The following ADGRE5 variants were observed in gnomAD, a reference collection of about 807,000 sequenced individuals.
ADGRE5 encodes adhesion G protein-coupled receptor E5.
In ADGRE5, 72 loss-of-function variants were observed where a neutral mutation model predicts 100.3. The observed-to-expected ratio is 0.72, with a 90% CI of 0.59 to 0.87. ADGRE5 has a LOEUF of 0.87. ADGRE5 is among the 40% of genes least tolerant of loss of function. The probability of loss-of-function intolerance (pLI) is 0.00; values close to 1 mark genes in which losing one functional copy is unlikely to be tolerated. For synonymous variants in ADGRE5, 439 were observed against 447.8 expected, an observed-to-expected ratio of 0.98 and a Z score of 0.25; for missense variants, 959 against 1,094.7, an observed-to-expected ratio of 0.88 and a Z score of 1.75.
intron 1 of ADGRE5, among the ~76,000 whole-genome samples, chr19:14,385,769 A>ATT (rs756579925): frequency 6.8e-5 from 9 of 131,874 alleles, no homozygotes; most frequent in Non-Finnish European, 1.2e-4. Context: ...CAACACCGTC[A>ATT]TTTTTTTTTT....
intron 6 of ADGRE5, 93 bp from the exon 7 acceptor site, chr19:14,397,565 C>G: frequency 6.2e-7 from 1 of 1,606,064 alleles, no homozygotes; most frequent in Admixed American, 1.7e-5. Flanking sequence ...AAGGGGGGCA[C>G]TAATGCCGGG....
chr19:14,387,584 C>T (rs1352484710), intron 1 of ADGRE5, among the ~76,000 whole-genome samples: 1 of 151,582 alleles, frequency 6.6e-6, no homozygotes, highest in Non-Finnish European at 1.5e-5. Context: ...AAAAATTAGC[C>T]GGGTGTGGTG....
Position 14,402,821 on chromosome 19 carries a change from G to C in ADGRE5, c.1408G>C (p.Glu470Gln), listed in dbSNP as rs753418489. 2.5e-6 allele frequency: 4 copies of C among 1,613,812 alleles called. No individual in the cohort carries two copies. In the East Asian group the frequency reaches 8.9e-5, roughly 36 times the overall value. The change falls in exon 12 of 20, where the codon GAG becomes CAG. Residue 470 changes from glutamate (E) to glutamine (Q), a missense_variant. Coordinates refer to ENST00000242786, the MANE Select transcript of ADGRE5 (RefSeq NM_078481.4). Reference sequence around the variant, plus strand: ...CATCCTTTTCGCCTTCTCCCACCTTGAGTCCTCCGATGGGGAGGCGGGAAG... The same window carrying C: ...CATCCTTTTCGCCTTCTCCCACCTTCAGTCCTCCGATGGGGAGGCGGGAAG... The part of the protein sequence containing the change: ...SPILFAFSHL[E>Q]SSDGEAGRDP...
intron 13 of ADGRE5, 71 bp downstream of exon 13, chr19:14,404,633 T>C: frequency 6.9e-7 from 1 of 1,444,796 alleles, no homozygotes; most frequent in Non-Finnish European, 9.5e-7. Context: ...AGGCAGCTAG[T>C]TCTCCATGGA....
At chr19:14,391,823 C>T (rs145974030) in intron 4 of ADGRE5, among the ~76,000 whole-genome samples, 2 of 151,974 alleles carry the variant, frequency 1.3e-5, no homozygotes, top group Non-Finnish European at 2.9e-5. Flanking sequence ...ACTGGCCGGG[C>T]GCAGTGGCTC....
chr19:14,404,513 G>A lies in ADGRE5; in HGVS notation c.1580G>A (p.Cys527Tyr), dbSNP rs1976141565. The A allele has an allele frequency of 6.2e-7, 1 of 1,612,880 alleles. No homozygotes were observed. Among genetic ancestry groups the A allele is most frequent in the African/African-American group, 1.3e-5 (1 of 74,848 alleles). ...AAGAACGGCAGCACCACCTGCCAAT[G>A]CAGCCACCTGAGCAGCTTTGCGATC... ...GSKNGSTTCQCSHLSSFAILM... is the reference protein window; with the variant it reads ...GSKNGSTTCQYSHLSSFAILM... The change falls in exon 13 of 20, where the codon TGC (cysteine) becomes TAC (tyrosine). Residue 527 changes from cysteine (C) to tyrosine (Y), a missense_variant. Coordinates refer to ENST00000242786, the MANE Select transcript of ADGRE5 (RefSeq NM_078481.4).
chr19:14,390,317 T>G (rs1314265300), intron 3 of ADGRE5, among the ~76,000 whole-genome samples: 3 of 148,286 alleles, frequency 2.0e-5, no homozygotes, highest in East Asian at 2.0e-4. Flanking sequence ...GGCTATGAGG[T>G]TTTTTTTTCC....
At position 14,398,079 on chromosome 19, in the gene ADGRE5, C is replaced by G; in HGVS notation, c.837C>G (p.Phe279Leu). 1.2e-6 allele frequency: 2 copies of G among 1,613,928 alleles called. No homozygotes were observed. Among genetic ancestry groups the G allele is most frequent in the Non-Finnish European group, 1.7e-6 (2 of 1,179,992 alleles). Reference sequence around the variant, plus strand: ...CTCTGCAGACGCTTTCCCGATTCTTCGACAAAGTCCAGGACCTGGGCAGAG... The same window carrying G: ...CTCTGCAGACGCTTTCCCGATTCTTGGACAAAGTCCAGGACCTGGGCAGAG... ...GVHSQTLSRF[F>L]DKVQDLGRDS... The change falls in exon 9 of 20, where the codon TTC becomes TTG. Residue 279 changes from phenylalanine (F) to leucine (L), a missense_variant. By Grantham distance (22) the Phe-to-Leu change is conservative. Coordinates refer to ENST00000242786, the MANE Select transcript of ADGRE5 (RefSeq NM_078481.4).
chr19:14,402,401 C>T (rs1218945210), intron 11 of ADGRE5, among the ~76,000 whole-genome samples, 196 bp from the exon 12 acceptor site: 1 of 151,578 alleles, frequency 6.6e-6, no homozygotes. Flanking sequence ...CGCCACTGCA[C>T]TCCAGCCTGG....
intron 4 of ADGRE5, among the ~76,000 whole-genome samples, chr19:14,395,384 A>AGC (rs1218154228): frequency 6.6e-6 from 1 of 151,886 alleles, no homozygotes; most frequent in Admixed American, 6.6e-5. Context: ...GGCAAGAGAC[A>AGC]GCATCACTGG....
At chr19:14,395,628 C>T (rs1185399878) in intron 4 of ADGRE5, among the ~76,000 whole-genome samples, 1 of 152,218 alleles carries the variant, frequency 6.6e-6, no homozygotes, top group African/African-American at 2.4e-5. Context: ...TGGATTCTCA[C>T]CAAATCCTGC....
At chr19:14,396,221 G>T in intron 4 of ADGRE5, 121 bp from the exon 5 acceptor site, 1 of 1,562,072 alleles carries the variant, frequency 6.4e-7, no homozygotes, top group South Asian at 1.1e-5. Context: ...TGTGTGGATT[G>T]GAAAAGGGAG....
At chr19:14,407,599 C>A (rs1976318751) in intron 18 of ADGRE5, among the ~76,000 whole-genome samples, 1 of 150,730 alleles carries the variant, frequency 6.6e-6, no homozygotes, top group South Asian at 2.1e-4. Context: ...CAAGATGGCA[C>A]CATTGCACTC....
In ADGRE5 at chr19:14,406,511, G is replaced by A; in HGVS notation, c.2002G>A (p.Gly668Ser). 1 of 1,567,312 alleles carries A rather than the reference G, an allele frequency of 6.4e-7. No individual in the cohort carries two copies. The highest frequency in any genetic ancestry group is 8.6e-7 in the Non-Finnish European group (1 of 1,156,330). ...IGYGVPLLIV[G>S]VSAAIYSKGY... is the part of the protein sequence containing the mutation. Reference sequence around the variant, plus strand: ...CTATGGCGTGCCCCTGCTCATCGTGGGCGTCTCGGCTGCCATCTACAGCAA... The same window carrying A: ...CTATGGCGTGCCCCTGCTCATCGTGAGCGTCTCGGCTGCCATCTACAGCAA... The change falls in exon 15 of 20, where the codon GGC becomes AGC. Residue 668 changes from glycine to serine, a missense_variant. Transcript: ENST00000242786. This position sits in a 1 kb window ranked among gnomAD's most constrained non-coding sequence, Gnocchi z 6.0.
rs1975153310 is a variant in ADGRE5, at chr19:14,381,518, C to CAG, written c.-6_-5insAG. 14 of 1,610,248 alleles carry CAG rather than the reference C, an allele frequency of 8.7e-6. No individual in the cohort carries two copies. In the African/African-American group the frequency reaches 1.2e-4, roughly 14 times the overall value. ...TCCCCTGCCGCTCCTGCCGGCAGCT[C>CAG]CAACCATGGGAGGCCGCGTCTTTCT... On this transcript the variant is annotated 5_prime_UTR_variant, in exon 1 of 20. Transcript: ENST00000242786.
intron 1 of ADGRE5, among the ~76,000 whole-genome samples, chr19:14,386,999 A>T (rs2146346648): frequency 6.6e-6 from 1 of 152,280 alleles, no homozygotes; most frequent in South Asian, 2.1e-4. Context: ...TGGGCGACAG[A>T]GAGAGACTCT....
In ADGRE5 at chr19:14,401,582, C is replaced by T. The variant is rs201125993; in HGVS notation, c.1075+19C>T. The T allele has an allele frequency of 9.4e-5, 152 of 1,612,268 alleles. 1 individual carries two copies. The African/African-American group carries it at 1.9e-3, about 21-fold the overall frequency. On this transcript the variant is annotated intron_variant, in intron 10 of 19. Transcript: ENST00000242786. This position sits in a 1 kb window ranked among gnomAD's most constrained non-coding sequence, Gnocchi z 4.1. Reference sequence around the variant, plus strand: ...AACACAGGTGAGGCCTTGGCCTGGCCTGCCCTGCCCCAACCCTGGGCCCCA... The same window carrying T: ...AACACAGGTGAGGCCTTGGCCTGGCTTGCCCTGCCCCAACCCTGGGCCCCA...
At chr19:14,400,966 T>C (rs1158838483) in intron 9 of ADGRE5, among the ~76,000 whole-genome samples, 1 of 151,044 alleles carries the variant, frequency 6.6e-6, no homozygotes, top group South Asian at 2.1e-4. Flanking sequence ...AAAAAAAAAA[T>C]TACAAAAATT....
At position 14,407,049 on chromosome 19, in the gene ADGRE5, C is replaced by A; in HGVS notation, c.2208-12C>A. 1.2e-6 allele frequency: 2 copies of A among 1,613,926 alleles called. No homozygotes were observed. The highest frequency in any genetic ancestry group is 1.7e-6 in the Non-Finnish European group (2 of 1,179,970). ...GAGGTGGGGGCCCACGCTGCAACCC[C>A]GCTCCTCGCAGGGCGCTGACCATCA... On this transcript the variant is annotated splice_polypyrimidine_tract_variant and intron_variant, in intron 17 of 19. Transcript: ENST00000242786.
Sources: allele counts gnomAD v4.1 joint callset (sites outside exome capture counted in the v4.1 genomes callset), GRCh38; gene constraint gnomAD v4.1.1; non-coding constraint Gnocchi (gnomAD v3.1); transcripts MANE v1.5; gene names NCBI Gene and HGNC (gene_info 2026-07-23, HGNC 2026-07-21).